ZNF33A: variants seen among roughly 807,000 people sequenced by gnomAD.
The protein encoded by ZNF33A is brain my041 protein.
A neutral mutation model predicts 15.9 loss-of-function variants in ZNF33A; 9 were observed. The ratio of observed to expected loss-of-function variants is 0.57; its 90% confidence interval spans 0.34 to 0.99. ZNF33A has a LOEUF of 0.99. Ranked by LOEUF, ZNF33A falls within the 50% of genes least tolerant of loss-of-function variation. The pLI is 0.02. For missense variants in ZNF33A, 843 were observed against 941.6 expected, an observed-to-expected ratio of 0.90 and a Z score of 1.37; for synonymous variants, 294 against 324.2, an observed-to-expected ratio of 0.91 and a Z score of 1.00.
chr10:38,046,471 T>C (rs1228392753), intron 4 of ZNF33A, among the ~76,000 whole-genome samples: 6 of 152,108 alleles, frequency 3.9e-5, no homozygotes. Context: ...GCTCCAGATT[T>C]GCCTAAGAAA....
At position 38,010,734 on chromosome 10, in the gene ZNF33A, A is replaced by T; in HGVS notation, c.-94A>T. ...GCGTGGGAGGCGGTCCCGGGATTTCAAGGGTCTACGCGCTTTTCTATGGCG... is the reference window on the plus strand; with the variant it reads ...GCGTGGGAGGCGGTCCCGGGATTTCTAGGGTCTACGCGCTTTTCTATGGCG... On this transcript the variant is annotated 5_prime_UTR_variant, in exon 1 of 5. Coordinates refer to ENST00000432900, the MANE Select transcript of ZNF33A (RefSeq NM_006954.2). 3.1e-6 allele frequency: 5 copies of T among 1,598,320 alleles called. No homozygotes were observed. Among genetic ancestry groups the T allele is most frequent in the Non-Finnish European group, 4.2e-6 (5 of 1,179,782 alleles).
chr10:38,030,411 A>G (rs1259097995), intron 4 of ZNF33A, among the ~76,000 whole-genome samples: 2 of 152,212 alleles, frequency 1.3e-5, no homozygotes, highest in Non-Finnish European at 2.9e-5. Context: ...AATGGAATGA[A>G]TGGCCAATAC....
At chr10:38,010,510 A>G (rs1182043727), upstream of ZNF33A, 1 of 640,344 alleles carries the variant, frequency 1.6e-6, no homozygotes, top group Admixed American at 2.3e-5. Context: ...CAGTTCCAGC[A>G]CCAACTCAGA....
chr10:38,054,233 A>T, intron 4 of ZNF33A, 142 bp from the exon 5 acceptor site: 1 of 865,786 alleles, frequency 1.2e-6, no homozygotes, highest in Non-Finnish European at 1.6e-6. Flanking sequence ...AAATACAAAA[A>T]ATATGCACTT....
chr10:38,011,094 G>C (rs902953174), intron 1 of ZNF33A, among the ~76,000 whole-genome samples: 6 of 152,350 alleles, frequency 3.9e-5, no homozygotes, highest in African/African-American at 1.4e-4. Flanking sequence ...GCCTGTGCGC[G>C]TGTGCTAGGG....
intron 4 of ZNF33A, among the ~76,000 whole-genome samples, chr10:38,018,197 G>A (rs901418814): frequency 1.3e-5 from 2 of 152,206 alleles, no homozygotes; most frequent in African/African-American, 4.8e-5. Context: ...TAAAGACTAT[G>A]AAAGAAATTA....
At chr10:38,014,397 G>A (rs1255345226) in intron 2 of ZNF33A, among the ~76,000 whole-genome samples, 9 of 152,174 alleles carry the variant, frequency 5.9e-5, no homozygotes, top group Non-Finnish European at 1.2e-4. Context: ...AGTTTATTAC[G>A]TTTATTTGTT....
downstream of ZNF33A, among the ~76,000 whole-genome samples, chr10:38,060,864 G>C (rs567476740): frequency 6.6e-6 from 1 of 152,282 alleles, no homozygotes; most frequent in Non-Finnish European, 1.5e-5. Context: ...GGAGGTGAGT[G>C]TCGCATCTCT....
At chr10:38,041,076 CT>C (rs1169779532) in intron 4 of ZNF33A, among the ~76,000 whole-genome samples, 1 of 152,086 alleles carries the variant, frequency 6.6e-6, no homozygotes, top group Non-Finnish European at 1.5e-5. Flanking sequence ...TTTTGGTACT[CT>C]ATTCCTTTTA....
At chr10:38,013,390 T>C (rs1339974144) in intron 2 of ZNF33A, among the ~76,000 whole-genome samples, 2 of 151,968 alleles carry the variant, frequency 1.3e-5, no homozygotes, top group Non-Finnish European at 2.9e-5. Flanking sequence ...ATTACAGGCG[T>C]GAGCCACTGC....
chr10:38,055,367 T>C lies in ZNF33A; in HGVS notation c.1243T>C (p.Cys415Arg). Residue 415 changes from cysteine to arginine, a missense_variant, in exon 5 of 5, where the codon TGT (cysteine) becomes CGT (arginine). Coordinates refer to ENST00000432900, the MANE Select transcript of ZNF33A (RefSeq NM_006954.2). ...ACATACAGGGGAGAAACCCTATCAA[T>C]GTAATGCGTGTGGGAAAACTTTTTG... The part of the protein sequence containing the change: ...RTHTGEKPYQ[C>R]NACGKTFCQK... The C allele has an allele frequency of 1.2e-6, 2 of 1,614,072 alleles. No individual in the cohort carries two copies. The highest frequency in any genetic ancestry group is 2.2e-5 in the East Asian group (1 of 44,860).
intron 4 of ZNF33A, among the ~76,000 whole-genome samples, chr10:38,026,050 T>C (rs1350208619): frequency 6.6e-6 from 1 of 152,228 alleles, no homozygotes; most frequent in African/African-American, 2.4e-5. Flanking sequence ...GTCTGCCTTA[T>C]TTCACTTAGC....
At chr10:38,044,190 CTTTCT>C (rs1320180195) in intron 4 of ZNF33A, among the ~76,000 whole-genome samples, 4 of 149,758 alleles carry the variant, frequency 2.7e-5, no homozygotes, top group South Asian at 4.2e-4. Flanking sequence ...CAGCTACAAC[CTTTCT>C]TTTCTTTTCT....
At chr10:38,028,786 C>A (rs2065094488) in intron 4 of ZNF33A, among the ~76,000 whole-genome samples, 1 of 152,090 alleles carries the variant, frequency 6.6e-6, no homozygotes, top group South Asian at 2.1e-4. Context: ...TATAGTGAAT[C>A]ATTTTTATTC....
rs774293789 is a variant in ZNF33A at position 38,055,136 on chromosome 10, T to C, written c.1012T>C (p.Phe338Leu). Residue 338 changes from phenylalanine (F) to leucine (L), a missense_variant, in exon 5 of 5, where the codon TTC (phenylalanine) becomes CTC (leucine). Coordinates refer to ENST00000432900, the MANE Select transcript of ZNF33A (RefSeq NM_006954.2). ...HFECNECGKA[F>L]WEKSHLTRHQ... is the part of the protein sequence containing the mutation. ...TGAATGTAATGAATGTGGGAAAGCT[T>C]TCTGGGAGAAGTCACATCTCACTCG... The C allele has an allele frequency of 1.9e-6, 3 of 1,614,104 alleles. No individual in the cohort carries two copies. The highest frequency in any genetic ancestry group is 2.2e-5 in the East Asian group (1 of 44,878).
chr10:38,014,934 T>C (rs1408773113), intron 2 of ZNF33A, among the ~76,000 whole-genome samples: 2 of 151,622 alleles, frequency 1.3e-5, no homozygotes, highest in Non-Finnish European at 3.0e-5. Flanking sequence ...AGTGCAGTGG[T>C]ACGATCTCAG....
Position 38,059,527 on chromosome 10 carries a change from T to C in ZNF33A, c.*2967T>C, listed in dbSNP as rs560037166. The C allele has an allele frequency of 7.2e-5, 11 of 152,266 alleles. No homozygotes were observed. Among genetic ancestry groups the C allele is most frequent in the African/African-American group, 2.4e-4 (10 of 41,540 alleles). The allele number at this position is 152,266 out of a possible 1,614,324, so 9.4% of individuals were successfully genotyped here. ...TTGCAGGATACAGTCCTCAGGTAGA[T>C]GATAAAAAGGAATTGGACATCAAGT... On this transcript the variant is annotated 3_prime_UTR_variant, in exon 5 of 5. Transcript: ENST00000432900.
chr10:38,054,603 TA>T lies in ZNF33A; in HGVS notation c.482del (p.Asn161ThrfsTer3), dbSNP rs917291639. The T allele has an allele frequency of 5.0e-6, 8 of 1,612,112 alleles. No individual in the cohort carries two copies. In the African/African-American group the frequency reaches 9.4e-5, roughly 19 times the overall value. ...GTTTCAGAATTGGTTATCAGTAAGA[TA>T]AACTATTTAGGAAAAAAGTCTGATG... ...NTVSELVISK[I>X]NYLGKKSDEF... On this transcript the variant is annotated frameshift_variant, in exon 5 of 5. Transcript: ENST00000432900. LOFTEE classifies it low-confidence loss of function (END_TRUNC).
At chr10:38,017,583 G>T (rs1168044637) in intron 4 of ZNF33A, 197 bp downstream of exon 4, 2 of 418,056 alleles carry the variant, frequency 4.8e-6, no homozygotes, top group South Asian at 3.9e-5. Flanking sequence ...TTTTTGAATC[G>T]TTTTTTGAAT....
Sources: allele counts gnomAD v4.1 joint callset (sites outside exome capture counted in the v4.1 genomes callset), GRCh38; gene constraint gnomAD v4.1.1; transcripts MANE v1.5; gene names NCBI Gene and HGNC (gene_info 2026-07-23, HGNC 2026-07-21).